Variants in TERB2 observed in about 807,000 individuals in gnomAD.
TERB2 encodes the protein telomere repeats-binding bouquet formation protein 2.
Under a neutral mutation model 29.8 loss-of-function variants are expected in TERB2, and 26 were observed. The ratio of observed to expected loss-of-function variants is 0.87; its 90% CI spans 0.64 to 1.21. The LOEUF (loss-of-function observed/expected upper bound fraction) is 1.21. TERB2 is among the 50% of genes most tolerant of loss of function. The probability of loss-of-function intolerance (pLI) is 0.00; values close to 1 mark genes in which losing one functional copy is unlikely to be tolerated. For missense variants in TERB2, 240 were observed against 268.6 expected, an observed-to-expected ratio of 0.89 and a Z score of 0.74; for synonymous variants, 80 against 90.8, an observed-to-expected ratio of 0.88 and a Z score of 0.68.
At position 44,973,999 on chromosome 15, in the gene TERB2, A is replaced by G. The variant is rs564175883; in HGVS notation, c.523+44A>G. The G allele has an allele frequency of 1.7e-5, 24 of 1,435,932 alleles. No individual in the cohort carries two copies. In the South Asian group the frequency reaches 3.2e-4, roughly 19 times the overall value. The allele number at this position is 1,435,932 out of a possible 1,614,324, so 88.9% of individuals were successfully genotyped here. A position where few individuals can be genotyped will look rare whatever the true frequency, so the allele number is the denominator to read the frequency against. ...TAGAGTAAACTCAGGTAGGAAAGAA[A>G]CAAGGGAATATTGTGTTGAATAAAG... is the stretch of plus-strand genomic sequence containing the variant. On this transcript the variant is annotated intron_variant, in intron 6 of 6. Transcript: ENST00000340827.
intron 4 of TERB2, among the ~76,000 whole-genome samples, chr15:44,965,184 A>AAG (rs1891866023): frequency 6.8e-6 from 1 of 147,828 alleles, no homozygotes; most frequent in Non-Finnish European, 1.5e-5. Context: ...AAAAAAAAAA[A>AAG]AAAAGAAAAG....
At chr15:44,977,010 C>T (rs1194126666) in intron 6 of TERB2, among the ~76,000 whole-genome samples, 5 of 151,740 alleles carry the variant, frequency 3.3e-5, no homozygotes, top group Non-Finnish European at 7.4e-5. Flanking sequence ...GAGGCTAATA[C>T]ATAGAGAAAA....
intron 3 of TERB2, among the ~76,000 whole-genome samples, chr15:44,961,040 T>G (rs967573851): frequency 2.6e-5 from 4 of 151,502 alleles, no homozygotes; most frequent in African/African-American, 9.7e-5. Flanking sequence ...TATAGAGAGA[T>G]ATATATCTAT....
intron 4 of TERB2, among the ~76,000 whole-genome samples, chr15:44,963,675 A>C (rs1352660358): frequency 6.6e-6 from 1 of 151,988 alleles, no homozygotes. Context: ...AGAGAGTGGA[A>C]ATGTCATATC....
chr15:44,961,292 A>G (rs1191632939), intron 3 of TERB2, among the ~76,000 whole-genome samples: 1 of 151,204 alleles, frequency 6.6e-6, no homozygotes, highest in Non-Finnish European at 1.5e-5. Context: ...GTCTACAACA[A>G]TGATTAGCAA....
At position 44,978,558 on chromosome 15, in the gene TERB2, G is replaced by A; in HGVS notation, c.593G>A (p.Gly198Glu). 1 of 1,609,966 alleles carries A rather than the reference G, an allele frequency of 6.2e-7. No individual in the cohort carries two copies. The highest frequency in any genetic ancestry group is 8.5e-7 in the Non-Finnish European group (1 of 1,177,896). Residue 198 changes from glycine (G) to glutamate (E), a missense_variant, in exon 7 of 7, where the codon GGA becomes GAA. Gly to Glu is a moderately conservative substitution (Grantham distance 98). Transcript: ENST00000340827. ...ELHDFIPGTSGYLAYHVQNEI... is the reference protein window; with the variant it reads ...ELHDFIPGTSEYLAYHVQNEI... ...CATGACTTCATTCCTGGAACCTCAGGATATTTGGCATATCATGTTCAAAAT... is the reference window on the plus strand; with the variant it reads ...CATGACTTCATTCCTGGAACCTCAGAATATTTGGCATATCATGTTCAAAAT...
At chr15:44,974,810 A>G (rs1892020995) in intron 6 of TERB2, among the ~76,000 whole-genome samples, 1 of 152,206 alleles carries the variant, frequency 6.6e-6, no homozygotes, top group Non-Finnish European at 1.5e-5. Context: ...CTCTTTATTT[A>G]GCAATGTTAA....
intron 5 of TERB2, among the ~76,000 whole-genome samples, chr15:44,968,454 C>G (rs1472286765): frequency 6.6e-6 from 1 of 152,094 alleles, no homozygotes; most frequent in Non-Finnish European, 1.5e-5. Context: ...TTCCTGGCCT[C>G]AAGTGATCCA....
At chr15:44,975,034 T>C (rs1433060369) in intron 6 of TERB2, among the ~76,000 whole-genome samples, 3 of 152,314 alleles carry the variant, frequency 2.0e-5, no homozygotes, top group Admixed American at 6.5e-5. Context: ...AACAGTCTGA[T>C]TGTTCAAAAA....
chr15:44,963,181 A>C (rs1259321516), intron 4 of TERB2, among the ~76,000 whole-genome samples: 1 of 152,212 alleles, frequency 6.6e-6, no homozygotes, highest in Non-Finnish European at 1.5e-5. Flanking sequence ...TCACCCACAG[A>C]TTGAATATTA....
rs141154509 is a variant in TERB2 at position 44,968,337 on chromosome 15, T to G, written c.434+2094T>G. 9.6e-3 allele frequency among the ~76,000 whole-genome samples: 1,457 copies of G among 152,058 alleles called. 7 individuals are homozygous for G. Among genetic ancestry groups the G allele is most frequent in the Middle Eastern group, 0.02 (6 of 294 alleles). The stretch of plus-strand genomic sequence containing the variant: ...TTCAAGCAATTCTTGTGCCTTGGCC[T>G]CCCGAGCAGCTGGGACTACAGGCAC... On this transcript the variant is annotated intron_variant, in intron 5 of 6. Coordinates refer to ENST00000340827, the MANE Select transcript of TERB2 (RefSeq NM_152448.3).
intron 3 of TERB2, among the ~76,000 whole-genome samples, chr15:44,961,190 T>TTATATA (rs1566944534): frequency 4.8e-5 from 6 of 124,076 alleles, no homozygotes; most frequent in African/African-American, 2.3e-4. Context: ...CATACCTCAA[T>TTATATA]GATATATATA....
intron 4 of TERB2, among the ~76,000 whole-genome samples, chr15:44,965,699 G>C (rs1891879009): frequency 6.7e-6 from 1 of 149,688 alleles, no homozygotes; most frequent in Non-Finnish European, 1.5e-5. Context: ...TTTTGAAGGA[G>C]AAATATAATT....
intron 4 of TERB2, among the ~76,000 whole-genome samples, chr15:44,964,148 T>C (rs1259939755): frequency 6.6e-6 from 1 of 152,204 alleles, no homozygotes; most frequent in Non-Finnish European, 1.5e-5. Flanking sequence ...GTTTGAAATT[T>C]TTCACAACAA....
At chr15:44,966,073 G>GTTTATTTTT (rs1409241634) in intron 4 of TERB2, 85 bp from the exon 5 acceptor site, 1 of 663,858 alleles carries the variant, frequency 1.5e-6, no homozygotes, top group Non-Finnish European at 2.3e-6. Context: ...TATATTTCCA[G>GTTTATTTTT]TTTATTTTTC....
chr15:44,975,853 TAAG>T (rs984797948), intron 6 of TERB2, among the ~76,000 whole-genome samples: 1 of 152,226 alleles, frequency 6.6e-6, no homozygotes, highest in African/African-American at 2.4e-5. Flanking sequence ...TCACCCATGA[TAAG>T]AAGTTCTGAT....
intron 4 of TERB2, among the ~76,000 whole-genome samples, chr15:44,962,142 C>A (rs965859032): frequency 6.6e-6 from 1 of 150,872 alleles, no homozygotes; most frequent in African/African-American, 2.4e-5. Flanking sequence ...GCTTCTGTTA[C>A]TAATAAGAAG....
chr15:44,961,960 G>A (rs112733647), intron 4 of TERB2, among the ~76,000 whole-genome samples: 2,535 of 150,732 alleles, frequency 0.017, 22 homozygotes, highest in Middle Eastern at 0.031. Flanking sequence ...TTGACCTCCC[G>A]AAGTGCTGGG....
chr15:44,972,697 G>A (rs1595478917), intron 5 of TERB2, among the ~76,000 whole-genome samples: 1 of 150,320 alleles, frequency 6.7e-6, no homozygotes, highest in South Asian at 2.1e-4. Context: ...TGTATTTTTA[G>A]TAGAGACAGG....
Sources: allele counts gnomAD v4.1 joint callset (sites outside exome capture counted in the v4.1 genomes callset), GRCh38; gene constraint gnomAD v4.1.1; transcripts MANE v1.5; gene names NCBI Gene and HGNC (gene_info 2026-07-23, HGNC 2026-07-21).